The following GNB4 variants were observed in gnomAD, a reference collection of about 807,000 sequenced individuals.
GNB4 encodes the protein guanine nucleotide-binding protein subunit beta-4.
A neutral mutation model predicts 45.2 loss-of-function variants in GNB4; 28 were observed. That is an observed-to-expected ratio of 0.62 (90% CI 0.46 to 0.85). The LOEUF is 0.85. GNB4 is among the 40% of genes least tolerant of loss of function. The pLI is 0.00. For synonymous variants in GNB4, 132 were observed against 143.7 expected (o/e 0.92, Z 0.58); for missense variants, 321 against 425.4 (o/e 0.75, Z 2.16).
intron 6 of GNB4, 126 bp from the exon 7 acceptor site, chr3:179,413,907 A>G (rs1714722526): frequency 2.8e-6 from 2 of 706,378 alleles, no homozygotes; most frequent in African/African-American, 1.8e-5. Flanking sequence ...AATATAGTCT[A>G]TAGTTCTACT....
chr3:179,447,417 T>C (rs1267525032), intron 1 of GNB4, among the ~76,000 whole-genome samples: 2 of 150,680 alleles, frequency 1.3e-5, no homozygotes, highest in African/African-American at 2.4e-5. Flanking sequence ...GGCACAAACA[T>C]GGCTCACTGC....
chr3:179,481,972 A>C, the GNB4 span, among the ~76,000 whole-genome samples: 4 of 152,116 alleles, frequency 2.6e-5, no homozygotes, highest in Non-Finnish European at 5.9e-5. Flanking sequence ...ACACAATCAC[A>C]GCTCAATATA....
chr3:179,429,327 GCA>G (rs1715236716), intron 1 of GNB4, among the ~76,000 whole-genome samples: 1 of 152,102 alleles, frequency 6.6e-6, no homozygotes, highest in African/African-American at 2.4e-5. Flanking sequence ...CACCCTGTGG[GCA>G]CTGGGGAACA....
At chr3:179,451,554 G>A (rs1715878234), upstream of GNB4, 1 of 150,434 alleles carries the variant, frequency 6.6e-6, no homozygotes, top group Non-Finnish European at 1.5e-5. Flanking sequence ...GAGGCGCGAG[G>A]CACGAGGCGC....
chr3:179,403,660 G>A (rs1305673550), intron 9 of GNB4, among the ~76,000 whole-genome samples: 1 of 151,930 alleles, frequency 6.6e-6, no homozygotes, highest in East Asian at 1.9e-4. Context: ...GGGCGTGGTG[G>A]TGTGCACTTG....
chr3:179,401,067 T>C lies in GNB4; in HGVS notation c.*146A>G. On this transcript the variant is annotated 3_prime_UTR_variant, in exon 10 of 10. Transcript: ENST00000232564. ...TTTTCCTCCACCCCCACTTTTTTTT[T>C]GGTAGTTTACTGAAAGCTTGTTTTT... 3 of 517,676 alleles carry C rather than the reference T, an allele frequency of 5.8e-6. No homozygotes were observed. In the East Asian group the frequency reaches 9.9e-5, roughly 17 times the overall value. 32.1% of individuals were successfully genotyped at this position (517,676 alleles called of 1,614,324 possible).
intron 1 of GNB4, among the ~76,000 whole-genome samples, chr3:179,443,514 G>C (rs1383064321): frequency 2.6e-5 from 4 of 152,160 alleles, no homozygotes; most frequent in African/African-American, 9.7e-5. Flanking sequence ...ACTCCAGCCT[G>C]GGTGACTGAG....
the GNB4 span, among the ~76,000 whole-genome samples, chr3:179,488,994 A>AT: frequency 2.0e-4 from 5 of 25,374 alleles, no homozygotes; most frequent in African/African-American, 1.8e-3. Flanking sequence ...CAAAAAAAAA[A>AT]AAAAAAAAAA....
At chr3:179,455,120 C>A (rs1345812605), upstream of GNB4, among the ~76,000 whole-genome samples, 1 of 152,124 alleles carries the variant, frequency 6.6e-6, no homozygotes, top group Non-Finnish European at 1.5e-5. Flanking sequence ...TGTTTATTTC[C>A]ACTCAGGTTC....
At chr3:179,432,129 C>T (rs1577036470) in intron 1 of GNB4, among the ~76,000 whole-genome samples, 1 of 152,092 alleles carries the variant, frequency 6.6e-6, no homozygotes, top group Non-Finnish European at 1.5e-5. Flanking sequence ...CAGCAGGCTC[C>T]GGCTATGTTT....
Position 179,414,931 on chromosome 3 carries a change from G to A in GNB4, c.384C>T (p.Thr128=), listed in dbSNP as rs1291364484. The A allele has an allele frequency of 1.2e-6, 2 of 1,605,488 alleles. No individual in the cohort carries two copies. The highest frequency in any genetic ancestry group is 8.5e-7 in the Non-Finnish European group (1 of 1,174,106). ...GGCTTACTCTCACATTTCCCTCTCTGGTCTTTAAGTTATATATAGAGCAGA... is the reference window on the plus strand; with the variant it reads ...GGCTTACTCTCACATTTCCCTCTCTAGTCTTTAAGTTATATATAGAGCAGA... ...DNICSIYNLK[T]REGNVRVSRE... Residue 128 remains threonine, a synonymous_variant, in exon 6 of 10, where the codon ACC becomes ACT. Coordinates refer to ENST00000232564, the MANE Select transcript of GNB4 (RefSeq NM_021629.4).
intron 1 of GNB4, among the ~76,000 whole-genome samples, chr3:179,427,468 G>A (rs1317292119): frequency 6.6e-6 from 1 of 151,974 alleles, no homozygotes; most frequent in Admixed American, 6.6e-5. Flanking sequence ...AGCTGGGTGT[G>A]GTGGCACATG....
intron 2 of GNB4, among the ~76,000 whole-genome samples, chr3:179,424,993 A>C (rs1715101189): frequency 6.6e-6 from 1 of 152,200 alleles, no homozygotes; most frequent in African/African-American, 2.4e-5. Flanking sequence ...CTGTGTTCCA[A>C]GTTATGAGAT....
At chr3:179,450,591 A>G (rs1366932763) in intron 1 of GNB4, among the ~76,000 whole-genome samples, 1 of 152,194 alleles carries the variant, frequency 6.6e-6, no homozygotes, top group Non-Finnish European at 1.5e-5. Flanking sequence ...GTGGGAGAAA[A>G]GGGAACACAA....
At chr3:179,491,737 A>G in the GNB4 span, among the ~76,000 whole-genome samples, 1 of 152,212 alleles carries the variant, frequency 6.6e-6, no homozygotes, top group Admixed American at 6.5e-5. Flanking sequence ...CAAAGATTTT[A>G]CCAAGCTATT....
At chr3:179,461,301 TC>T in the GNB4 span, among the ~76,000 whole-genome samples, 1 of 152,050 alleles carries the variant, frequency 6.6e-6, no homozygotes, top group Admixed American at 6.6e-5. Context: ...ATCGAGACCA[TC>T]CTGGCTAACA....
the GNB4 span, among the ~76,000 whole-genome samples, chr3:179,476,647 T>C: frequency 6.6e-6 from 1 of 152,234 alleles, no homozygotes; most frequent in Non-Finnish European, 1.5e-5. Flanking sequence ...GCCTCCCAGG[T>C]TGTCTGCAAT....
At chr3:179,430,667 G>C (rs1158523956) in intron 1 of GNB4, among the ~76,000 whole-genome samples, 1 of 147,662 alleles carries the variant, frequency 6.8e-6, no homozygotes, top group Non-Finnish European at 1.5e-5. Flanking sequence ...ATGTTGCCCA[G>C]GCTGGTCTTG....
chr3:179,489,096 T>C, the GNB4 span, among the ~76,000 whole-genome samples: 2 of 142,456 alleles, frequency 1.4e-5, no homozygotes, highest in Admixed American at 1.4e-4. Flanking sequence ...AAATTATTTA[T>C]TTTATCAGAA....
Sources: gnomAD v4.1 joint callset for allele counts (sites outside exome capture counted in the v4.1 genomes callset) on GRCh38, gnomAD v4.1.1 for gene constraint, MANE v1.5 for transcripts, NCBI Gene and HGNC (gene_info 2026-07-23, HGNC 2026-07-21) for gene names.